The following SLC35D4 variants were observed in gnomAD, a reference collection of about 807,000 sequenced individuals.
SLC35D4 encodes the protein solute carrier family 35 member D4, also known as UDP-N-acetylglucosamine transporter SLC35D4.
the SLC35D4 span, among the ~76,000 whole-genome samples, chr18:23,310,588 G>A: frequency 6.6e-6 from 1 of 152,100 alleles, no homozygotes. Flanking sequence ...CTGCTTTCTT[G>A]CAGTGAGAGG....
At chr18:23,417,431 T>C in the SLC35D4 span, among the ~76,000 whole-genome samples, 8 of 152,060 alleles carry the variant, frequency 5.3e-5, no homozygotes, top group Non-Finnish European at 5.9e-5. Context: ...AAAGAACAAA[T>C]ATTGTACAAC....
the SLC35D4 span, among the ~76,000 whole-genome samples, chr18:23,253,345 T>C: frequency 3.3e-5 from 5 of 152,076 alleles, no homozygotes; most frequent in South Asian, 4.1e-4. Context: ...TAGCCAGGCA[T>C]GGTGGTGCAC....
At chr18:23,266,341 A>G in the SLC35D4 span, among the ~76,000 whole-genome samples, 2 of 151,356 alleles carry the variant, frequency 1.3e-5, no homozygotes, top group African/African-American at 4.9e-5. Context: ...AGGGCCTGGC[A>G]TACAGTAGGC....
the SLC35D4 span, among the ~76,000 whole-genome samples, chr18:23,238,753 C>T: frequency 6.6e-6 from 1 of 152,180 alleles, no homozygotes; most frequent in African/African-American, 2.4e-5. Context: ...TCAGGGAGTC[C>T]AAGTGAGGCT....
At chr18:23,331,514 C>G in the SLC35D4 span, 783 of 152,374 alleles carry the variant, frequency 5.1e-3, 10 homozygotes, top group African/African-American at 0.018. Context: ...AGGTTCAGCA[C>G]GTTGGGCTCT....
At chr18:23,418,135 G>T in the SLC35D4 span, among the ~76,000 whole-genome samples, 1 of 151,888 alleles carries the variant, frequency 6.6e-6, no homozygotes, top group African/African-American at 2.4e-5. Context: ...ATCCAATTAA[G>T]GATACTATAT....
At chr18:23,299,001 C>T in the SLC35D4 span, among the ~76,000 whole-genome samples, 1 of 152,332 alleles carries the variant, frequency 6.6e-6, no homozygotes, top group African/African-American at 2.4e-5. Flanking sequence ...GCTACATACC[C>T]TGTGAAAAAT....
chr18:23,252,595 A>AGATTG, the SLC35D4 span, among the ~76,000 whole-genome samples: 2 of 152,126 alleles, frequency 1.3e-5, no homozygotes, highest in African/African-American at 4.8e-5. Context: ...GGTCAAGTGG[A>AGATTG]GATTGAACCC....
At chr18:23,338,732 C>T in the SLC35D4 span, among the ~76,000 whole-genome samples, 2 of 152,068 alleles carry the variant, frequency 1.3e-5, no homozygotes, top group Middle Eastern at 3.2e-3. Flanking sequence ...TGCAATATGT[C>T]CCCCCGGGTC....
chr18:23,356,625 A>C, the SLC35D4 span: 2 of 1,614,184 alleles, frequency 1.2e-6, no homozygotes, highest in Non-Finnish European at 8.5e-7. The surrounding 1 kb of genome is among the most constrained non-coding windows in gnomAD (Gnocchi z 4.1). Flanking sequence ...AATCTGTAGA[A>C]GTACAGGAAT....
the SLC35D4 span, among the ~76,000 whole-genome samples, chr18:23,240,759 C>A: frequency 2.0e-5 from 3 of 152,230 alleles, no homozygotes; most frequent in East Asian, 5.8e-4. Context: ...CCAGCAGAGG[C>A]GCCCACCTGA....
chr18:23,421,512 C>T, the SLC35D4 span: 1 of 1,426,904 alleles, frequency 7.0e-7, no homozygotes. Flanking sequence ...CCAGCCCCAG[C>T]AGATCTGCTG....
the SLC35D4 span, among the ~76,000 whole-genome samples, chr18:23,414,566 G>A: frequency 5.3e-5 from 8 of 151,676 alleles, no homozygotes; most frequent in Admixed American, 6.6e-5. Context: ...CCAGCTTCCC[G>A]GGGGGCTGAG....
the SLC35D4 span, among the ~76,000 whole-genome samples, chr18:23,374,256 T>C: frequency 1.3e-4 from 20 of 152,200 alleles, no homozygotes; most frequent in Non-Finnish European, 2.4e-4. Context: ...CAGATCCACA[T>C]TGTGTGCCTC....
chr18:23,402,559 C>T, the SLC35D4 span, among the ~76,000 whole-genome samples: 1 of 152,204 alleles, frequency 6.6e-6, no homozygotes, highest in Non-Finnish European at 1.5e-5. Context: ...AATCCCAGCA[C>T]TTTGGGAGGC....
the SLC35D4 span, among the ~76,000 whole-genome samples, chr18:23,362,528 G>C: frequency 6.6e-6 from 1 of 152,206 alleles, no homozygotes; most frequent in African/African-American, 2.4e-5. Flanking sequence ...GAACCTGGGA[G>C]GCGGAGGTTG....
chr18:23,242,542 G>GT, the SLC35D4 span, among the ~76,000 whole-genome samples: 20 of 152,196 alleles, frequency 1.3e-4, no homozygotes, highest in Admixed American at 7.2e-4. Flanking sequence ...GGGTTTTTGT[G>GT]TTTTTTTCCC....
At chr18:23,318,284 T>C in the SLC35D4 span, among the ~76,000 whole-genome samples, 3 of 152,172 alleles carry the variant, frequency 2.0e-5, no homozygotes, top group African/African-American at 7.2e-5. Flanking sequence ...AAATCGGGGT[T>C]TTTAAAAATG....
At chr18:23,284,791 C>CT in the SLC35D4 span, among the ~76,000 whole-genome samples, 1 of 152,232 alleles carries the variant, frequency 6.6e-6, no homozygotes, top group Non-Finnish European at 1.5e-5. Flanking sequence ...TGCCACCTAC[C>CT]TTCCCTCTCA....
Sources: gnomAD v4.1 joint callset for allele counts (sites outside exome capture counted in the v4.1 genomes callset) on GRCh38, gnomAD v4.1.1 for gene constraint, Gnocchi (gnomAD v3.1) non-coding constraint, MANE v1.5 for transcripts, NCBI Gene and HGNC (gene_info 2026-07-23, HGNC 2026-07-21) for gene names.